Variants in IGSF21 observed in about 807,000 individuals in gnomAD.
IGSF21 encodes the protein immunoglobin superfamily member 21.
In IGSF21, 28 loss-of-function variants were observed where a neutral mutation model predicts 46.8. The observed-to-expected ratio is 0.60, with a 90% CI of 0.44 to 0.82. The LOEUF (loss-of-function observed/expected upper bound fraction) is 0.82. Ranked by LOEUF, IGSF21 falls within the 40% of genes least tolerant of loss-of-function variation. The pLI is 0.00. For synonymous variants in IGSF21, 284 were observed against 273.6 expected, an observed-to-expected ratio of 1.04 and a Z score of -0.38; for missense variants, 624 against 665.5, an observed-to-expected ratio of 0.94 and a Z score of 0.69.
chr1:18,184,574 T>G (rs2086886292), intron 1 of IGSF21, among the ~76,000 whole-genome samples: 1 of 152,130 alleles, frequency 6.6e-6, no homozygotes. Context: ...TGCTGACAGG[T>G]TTCTTGCCCT....
Position 18,242,908 on chromosome 1 carries a change from C to T in IGSF21, c.183+14898C>T, listed in dbSNP as rs541695096. On this transcript the variant is annotated intron_variant, in intron 2 of 9. Coordinates refer to ENST00000251296, the MANE Select transcript of IGSF21 (RefSeq NM_032880.5). The stretch of plus-strand genomic sequence containing the variant: ...TGGGGGGGACAGGTGTCATGTGACC[C>T]GCACCCTTGTCTGGAGCTATTCAAG... Among the ~76,000 whole-genome samples the T allele has an allele frequency of 2.0e-4, 31 of 152,290 alleles. 1 individual carries two copies. The highest frequency in any genetic ancestry group is 6.5e-4 in the African/African-American group (27 of 41,546).
intron 2 of IGSF21, among the ~76,000 whole-genome samples, chr1:18,230,544 G>A (rs1176136933): frequency 1.3e-5 from 2 of 152,116 alleles, no homozygotes; most frequent in Non-Finnish European, 2.9e-5. Flanking sequence ...GTAGCTGGAC[G>A]GAGGTGGTGG....
intron 1 of IGSF21, among the ~76,000 whole-genome samples, chr1:18,199,467 C>T (rs2087045347): frequency 6.6e-6 from 1 of 152,202 alleles, no homozygotes; most frequent in Non-Finnish European, 1.5e-5. Flanking sequence ...CCAGGCGCCC[C>T]TCGGATCCTG....
chr1:18,336,675 A>G (rs2085770001), intron 4 of IGSF21, among the ~76,000 whole-genome samples: 1 of 152,124 alleles, frequency 6.6e-6, no homozygotes, highest in Non-Finnish European at 1.5e-5. Flanking sequence ...CACACTTCCT[A>G]TTACTTCACC....
intron 4 of IGSF21, among the ~76,000 whole-genome samples, chr1:18,344,961 G>T (rs979693720): frequency 1.3e-5 from 2 of 152,220 alleles, no homozygotes; most frequent in Admixed American, 6.5e-5. Flanking sequence ...GCATGGGCTG[G>T]CTGGGATCCA....
intron 1 of IGSF21, among the ~76,000 whole-genome samples, chr1:18,223,106 C>A (rs1181262794): frequency 1.3e-5 from 2 of 152,280 alleles, no homozygotes; most frequent in Non-Finnish European, 2.9e-5. Flanking sequence ...GTGGAGCCCA[C>A]AGCTCATTGC....
chr1:18,242,599 G>T (rs1222053698), intron 2 of IGSF21, among the ~76,000 whole-genome samples: 1 of 152,202 alleles, frequency 6.6e-6, no homozygotes, highest in Non-Finnish European at 1.5e-5. Context: ...ATGGGAGCAG[G>T]TGCTTCTAAA....
intron 2 of IGSF21, among the ~76,000 whole-genome samples, chr1:18,246,896 CT>C (rs983832314): frequency 6.6e-6 from 1 of 152,094 alleles, no homozygotes; most frequent in Non-Finnish European, 1.5e-5. Flanking sequence ...GAGAGCGAAT[CT>C]TTGTTGGTTA....
chr1:18,116,682 G>A (rs147321373), intron 1 of IGSF21, among the ~76,000 whole-genome samples: 5 of 152,346 alleles, frequency 3.3e-5, no homozygotes, highest in African/African-American at 9.6e-5. Flanking sequence ...CTCTCGGGGA[G>A]TTTCAGGTTG....
chr1:18,371,158 A>T (rs1330778927), intron 6 of IGSF21, among the ~76,000 whole-genome samples: 1 of 152,246 alleles, frequency 6.6e-6, no homozygotes, highest in South Asian at 2.1e-4. Flanking sequence ...AATAATCTAA[A>T]TGTCCATAAT....
chr1:18,108,463 G>A (rs527935285), intron 1 of IGSF21, among the ~76,000 whole-genome samples: 1 of 152,104 alleles, frequency 6.6e-6, no homozygotes, highest in East Asian at 1.9e-4. Flanking sequence ...AAGGAGCTGT[G>A]TGGGCAGAAG....
chr1:18,187,967 T>C (rs1430950135), intron 1 of IGSF21, among the ~76,000 whole-genome samples: 1 of 152,098 alleles, frequency 6.6e-6, no homozygotes, highest in Non-Finnish European at 1.5e-5. Context: ...ATGAAAAAAA[T>C]TATAGTCCTG....
At chr1:18,258,151 C>T (rs1476416918) in intron 2 of IGSF21, among the ~76,000 whole-genome samples, 1 of 152,052 alleles carries the variant, frequency 6.6e-6, no homozygotes, top group Non-Finnish European at 1.5e-5. Flanking sequence ...CTTAAGGTGA[C>T]CCACCAAGGA....
Position 18,365,397 on chromosome 1 carries a change from G to A in IGSF21, c.715G>A (p.Gly239Arg), listed in dbSNP as rs777775211. 1.2e-6 allele frequency: 2 copies of A among 1,613,826 alleles called. No homozygotes were observed. The highest frequency in any genetic ancestry group is 1.7e-6 in the Non-Finnish European group (2 of 1,179,950). Residue 239 changes from glycine to arginine, a missense_variant, in exon 6 of 10, where the codon GGG becomes AGG. By Grantham distance (125) the Gly-to-Arg change is moderately radical. Transcript: ENST00000251296. This position sits in a 1 kb window ranked among gnomAD's most constrained non-coding sequence, Gnocchi z 4.8. ...CCTCCTGGACGCCGAGAACCGGGGT[G>A]GGCGACCCTACACGGAGCGCCCCTC... ...LSLLDAENRG[G>R]RPYTERPSRG...
At chr1:18,330,566 T>G (rs12022555) in intron 3 of IGSF21, among the ~76,000 whole-genome samples, 2 of 84,888 alleles carry the variant, frequency 2.4e-5, no homozygotes, top group Non-Finnish European at 2.0e-5. Context: ...GGCAGGGGCG[T>G]GGGAGAAGGG....
At chr1:18,306,461 G>T (rs998957651) in intron 3 of IGSF21, among the ~76,000 whole-genome samples, 4 of 152,014 alleles carry the variant, frequency 2.6e-5, no homozygotes, top group Admixed American at 6.5e-5. Flanking sequence ...TTAAAGCATT[G>T]ATTACTACCC....
chr1:18,162,079 C>G (rs2086631335), intron 1 of IGSF21, among the ~76,000 whole-genome samples: 2 of 152,110 alleles, frequency 1.3e-5, no homozygotes, highest in Admixed American at 1.3e-4. Flanking sequence ...CACTCTATCA[C>G]CTAGGCTGGA....
intron 7 of IGSF21, 60 bp downstream of exon 7, chr1:18,376,455 C>A: frequency 8.5e-7 from 1 of 1,182,200 alleles, no homozygotes; most frequent in Non-Finnish European, 1.3e-6. Flanking sequence ...ACCGACCCAG[C>A]ACCAGCATTC....
chr1:18,232,081 A>G (rs17436219), intron 2 of IGSF21, among the ~76,000 whole-genome samples: 39,861 of 151,810 alleles, frequency 0.26, 5,639 homozygotes, highest in Non-Finnish European at 0.31. Flanking sequence ...TGTCTATTAA[A>G]GCCCTGTCCA....
Sources: gnomAD v4.1 joint callset for allele counts (sites outside exome capture counted in the v4.1 genomes callset) on GRCh38, gnomAD v4.1.1 for gene constraint, Gnocchi (gnomAD v3.1) non-coding constraint, MANE v1.5 for transcripts, NCBI Gene and HGNC (gene_info 2026-07-23, HGNC 2026-07-21) for gene names.